The following KIRREL3 variants were observed in gnomAD, a reference collection of about 807,000 sequenced individuals.
The protein encoded by KIRREL3 is kin of IRRE-like protein 3.
In KIRREL3, 36 loss-of-function variants were observed where a neutral mutation model predicts 89.7. The observed-to-expected ratio is 0.40, with a 90% CI of 0.31 to 0.53. KIRREL3 has a LOEUF of 0.53. KIRREL3 is among the 20% of genes least tolerant of loss of function. The pLI is 0.49. For missense variants in KIRREL3, 864 were observed against 1,056.6 expected (o/e 0.82, Z 2.53); for synonymous variants, 445 against 441.4 (o/e 1.01, Z -0.10).
Position 126,614,665 on chromosome 11 carries a change from G to A in KIRREL3, c.56-51753C>T, listed in dbSNP as rs968690875. ...CTGGTTCCTCAGTGTTATGAGCTGG[G>A]CAGTGATGTCAGTCCAGCCAAGGCT... is the stretch of plus-strand genomic sequence containing the variant. On this transcript the variant is annotated intron_variant, in intron 1 of 16. Transcript: ENST00000525144. The surrounding 1 kb of genome is among the most constrained non-coding windows in gnomAD (Gnocchi z 4.6). Among the ~76,000 whole-genome samples, 4 of 152,200 alleles carry A rather than the reference G, an allele frequency of 2.6e-5. No homozygotes were observed. The highest frequency in any genetic ancestry group is 9.6e-5 in the African/African-American group (4 of 41,452).
intron 1 of KIRREL3, among the ~76,000 whole-genome samples, chr11:126,711,086 A>G (rs1947737217): frequency 6.6e-6 from 1 of 152,048 alleles, no homozygotes; most frequent in African/African-American, 2.4e-5. Context: ...ATCATCAAAC[A>G]CTCTGAGAAT....
At position 126,476,838 on chromosome 11, in the gene KIRREL3, G is replaced by A. The variant is rs1375501095; in HGVS notation, c.434-3372C>T. On this transcript the variant is annotated intron_variant, in intron 4 of 16. Transcript: ENST00000525144. This position sits in a 1 kb window ranked among gnomAD's most constrained non-coding sequence, Gnocchi z 6.4. ...AGTGGCGAGGGGAGGAAGTTTCAGA[G>A]TGGTCCCCGCTTGGAGATGTATTAT... Among the ~76,000 whole-genome samples the A allele has an allele frequency of 6.6e-6, 1 of 152,240 alleles. No individual in the cohort carries two copies. Among genetic ancestry groups the A allele is most frequent in the Non-Finnish European group, 1.5e-5 (1 of 68,052 alleles).
intron 4 of KIRREL3, among the ~76,000 whole-genome samples, chr11:126,480,126 G>A (rs183178020): frequency 1.3e-5 from 2 of 152,334 alleles, no homozygotes; most frequent in African/African-American, 4.8e-5. Flanking sequence ...GGTGGCATAT[G>A]CATTTGCTGA....
At chr11:126,621,470 C>T (rs1279634242) in intron 1 of KIRREL3, among the ~76,000 whole-genome samples, 1 of 152,082 alleles carries the variant, frequency 6.6e-6, no homozygotes, top group Admixed American at 6.5e-5. Flanking sequence ...GAGTGATAGC[C>T]TAATGGTAAG....
chr11:126,767,037 G>T (rs1168715560), intron 1 of KIRREL3, among the ~76,000 whole-genome samples: 1 of 152,226 alleles, frequency 6.6e-6, no homozygotes, highest in African/African-American at 2.4e-5. Flanking sequence ...CAACATGAGA[G>T]GTACAGGGCT....
chr11:126,603,101 G>T (rs1199052640), intron 1 of KIRREL3, among the ~76,000 whole-genome samples: 1 of 152,202 alleles, frequency 6.6e-6, no homozygotes, highest in African/African-American at 2.4e-5. Context: ...CTCCAAAAAA[G>T]AATCAATCCA....
chr11:126,802,994 A>G lies in KIRREL3; in HGVS notation c.55+197461T>C, dbSNP rs893695534. ...GCTGTATTCCCTGGAAGCTTCCTACATGGGTATTACAGAGTTAGCTAATTG... is the reference window on the plus strand; with the variant it reads ...GCTGTATTCCCTGGAAGCTTCCTACGTGGGTATTACAGAGTTAGCTAATTG... On this transcript the variant is annotated intron_variant, in intron 1 of 16. Transcript: ENST00000525144. This position sits in a 1 kb window ranked among gnomAD's most constrained non-coding sequence, Gnocchi z 5.2. Among the ~76,000 whole-genome samples the G allele has an allele frequency of 6.6e-6, 1 of 152,200 alleles. No homozygotes were observed. Among genetic ancestry groups the G allele is most frequent in the African/African-American group, 2.4e-5 (1 of 41,446 alleles).
At chr11:126,738,511 G>T (rs143354309) in intron 1 of KIRREL3, among the ~76,000 whole-genome samples, 3 of 152,176 alleles carry the variant, frequency 2.0e-5, no homozygotes, top group Non-Finnish European at 2.9e-5. Flanking sequence ...AATGGAGTCC[G>T]TTAGTATTCA....
intron 6 of KIRREL3, among the ~76,000 whole-genome samples, chr11:126,456,837 C>T (rs1956361808): frequency 6.6e-6 from 1 of 152,202 alleles, no homozygotes; most frequent in Non-Finnish European, 1.5e-5. Context: ...TGCAGACTGT[C>T]TTTGAAATGT....
In KIRREL3 at chr11:126,683,270, A is replaced by C. The variant is rs1004113051; in HGVS notation, c.56-120358T>G. ...TTTGGGAGTTCTGGGAGCTACTTCC[A>C]AGGGCATGAACCAAATCTGGAAAGT... On this transcript the variant is annotated intron_variant, in intron 1 of 16. Coordinates refer to ENST00000525144, the MANE Select transcript of KIRREL3 (RefSeq NM_032531.4). This position sits in a 1 kb window ranked among gnomAD's most constrained non-coding sequence, Gnocchi z 5.2. Among the ~76,000 whole-genome samples the C allele has an allele frequency of 6.6e-6, 1 of 152,236 alleles. No individual in the cohort carries two copies. Among genetic ancestry groups the C allele is most frequent in the Non-Finnish European group, 1.5e-5 (1 of 68,038 alleles).
rs961671533 is a variant in KIRREL3, at chr11:126,520,719, A to G, written c.433+596T>C. ...GCTCCTGGGAACATAAGATGAAGAA[A>G]GATCAAGGGGAAAAGTATGATTTGG... On this transcript the variant is annotated intron_variant, in intron 4 of 16. Transcript: ENST00000525144. This position sits in a 1 kb window ranked among gnomAD's most constrained non-coding sequence, Gnocchi z 4.9. 6.6e-6 allele frequency among the ~76,000 whole-genome samples: 1 copy of G among 152,182 alleles called. No homozygotes were observed. Among genetic ancestry groups the G allele is most frequent in the Admixed American group, 6.5e-5 (1 of 15,278 alleles).
At chr11:126,842,231 A>G (rs75634401) in intron 1 of KIRREL3, among the ~76,000 whole-genome samples, 6,213 of 152,244 alleles carry the variant, frequency 0.041, 206 homozygotes, top group Non-Finnish European at 0.059. Flanking sequence ...GAGACAGCAC[A>G]TTGATATCAG....
rs1950191141 is a variant in KIRREL3, at chr11:126,996,850, G to A, written c.55+3605C>T. ...TGTGCATGCAAAGCCAAAAGATCTGGGTTCAGCAGAATTAGAACCTTCACA... is the reference window on the plus strand; with the variant it reads ...TGTGCATGCAAAGCCAAAAGATCTGAGTTCAGCAGAATTAGAACCTTCACA... On this transcript the variant is annotated intron_variant, in intron 1 of 16. Transcript: ENST00000525144. This position sits in a 1 kb window ranked among gnomAD's most constrained non-coding sequence, Gnocchi z 4.7. Among the ~76,000 whole-genome samples the A allele has an allele frequency of 6.6e-6, 1 of 152,176 alleles. No homozygotes were observed. Among genetic ancestry groups the A allele is most frequent in the African/African-American group, 2.4e-5 (1 of 41,446 alleles).
chr11:126,984,004 T>C (rs1949785946), intron 1 of KIRREL3, among the ~76,000 whole-genome samples: 1 of 149,890 alleles, frequency 6.7e-6, no homozygotes, highest in Admixed American at 6.6e-5. Context: ...GGATGCCTTT[T>C]ATGGTATTAG....
rs1956344816 is a variant in KIRREL3 at position 126,456,357 on chromosome 11, G to C, written c.840C>G (p.Thr280=). ...HCSAKANPAV[T]QYRWAKRGQI... is the part of the protein sequence containing the mutation. ...TCAGCAGTGACTCTCACCTGTACTG[G>C]GTGACAGCTGGGTTGGCCTTTGCAG... Residue 280 remains threonine (T), a synonymous_variant, in exon 7 of 17, where the codon ACC becomes ACG. Coordinates refer to ENST00000525144, the MANE Select transcript of KIRREL3 (RefSeq NM_032531.4). 1 of 1,582,124 alleles carries C rather than the reference G, an allele frequency of 6.3e-7. No homozygotes were observed. Among genetic ancestry groups the C allele is most frequent in the Non-Finnish European group, 8.6e-7 (1 of 1,163,610 alleles).
intron 1 of KIRREL3, among the ~76,000 whole-genome samples, chr11:126,910,882 G>A (rs1393715478): frequency 6.6e-6 from 1 of 152,258 alleles, no homozygotes; most frequent in Non-Finnish European, 1.5e-5. Flanking sequence ...GTCAGCAGCA[G>A]GAAGGCCCAG....
intron 1 of KIRREL3, among the ~76,000 whole-genome samples, chr11:126,942,002 G>A (rs1948463560): frequency 6.6e-6 from 1 of 152,204 alleles, no homozygotes. Flanking sequence ...GGGTTCAGAA[G>A]AACTGGCCTT....
intron 1 of KIRREL3, among the ~76,000 whole-genome samples, chr11:126,567,239 G>A (rs541367657): frequency 2.6e-5 from 4 of 152,302 alleles, no homozygotes; most frequent in South Asian, 2.1e-4. Flanking sequence ...TCATTAGGAC[G>A]GACCTTTATC....
rs917842154 is a variant in KIRREL3 at position 126,523,396 on chromosome 11, C to T, written c.284-1932G>A. Among the ~76,000 whole-genome samples, 10 of 152,118 alleles carry T rather than the reference C, an allele frequency of 6.6e-5. No individual in the cohort carries two copies. The highest frequency in any genetic ancestry group is 1.4e-4 in the African/African-American group (6 of 41,428). On this transcript the variant is annotated intron_variant, in intron 3 of 16. Coordinates refer to ENST00000525144, the MANE Select transcript of KIRREL3 (RefSeq NM_032531.4). The surrounding 1 kb of genome is among the most constrained non-coding windows in gnomAD (Gnocchi z 4.9). ...CCACCAGCACTTGTTCCTGGTCAGG[C>T]GAGGTAGCTGTGATGATCCTCTGCC...
Sources: allele counts gnomAD v4.1 joint callset (sites outside exome capture counted in the v4.1 genomes callset), GRCh38; gene constraint gnomAD v4.1.1; non-coding constraint Gnocchi (gnomAD v3.1); transcripts MANE v1.5; gene names NCBI Gene and HGNC (gene_info 2026-07-23, HGNC 2026-07-21).